The following POLD3 variants were observed in gnomAD, a reference collection of about 807,000 sequenced individuals.
POLD3 encodes DNA polymerase delta 3, accessory subunit.
A neutral mutation model predicts 58.2 loss-of-function variants in POLD3; 19 were observed. That is an observed-to-expected ratio of 0.33 (90% CI 0.23 to 0.48). The LOEUF (loss-of-function observed/expected upper bound fraction) is 0.48. Among genes scored for constraint, POLD3 ranks in the 20% least tolerant of loss-of-function variants. The pLI, the probability that POLD3 is intolerant of heterozygous loss-of-function variation, is 0.99. For synonymous variants in POLD3, 172 were observed against 193.5 expected (o/e 0.89, Z 0.92); for missense variants, 504 against 545.5 (o/e 0.92, Z 0.76).
chr11:74,652,309 G>A (rs2033076817), intron 4 of POLD3, among the ~76,000 whole-genome samples: 1 of 152,196 alleles, frequency 6.6e-6, no homozygotes, highest in African/African-American at 2.4e-5. Context: ...TTATTGTTAG[G>A]ATAGATTGTT....
chr11:74,631,544 A>G (rs1233521727), intron 9 of POLD3, among the ~76,000 whole-genome samples: 1 of 136,376 alleles, frequency 7.3e-6, no homozygotes, highest in Non-Finnish European at 1.5e-5. Context: ...CAGTGGTGCG[A>G]TGCGATCTCG....
chr11:74,658,888 A>C (rs1197016087), intron 4 of POLD3, among the ~76,000 whole-genome samples: 1 of 152,124 alleles, frequency 6.6e-6, no homozygotes, highest in African/African-American at 2.4e-5. Context: ...TGCACGGTGC[A>C]AGCTGCCAGT....
intron 2 of POLD3, among the ~76,000 whole-genome samples, chr11:74,598,147 A>G (rs551041908): frequency 1.1e-4 from 17 of 152,322 alleles, no homozygotes; most frequent in Admixed American, 1.1e-3. Context: ...CAGTAAGACT[A>G]TACTAAAGCT....
intron 3 of POLD3, among the ~76,000 whole-genome samples, chr11:74,605,205 C>T (rs756773611): frequency 1.2e-4 from 18 of 152,174 alleles, no homozygotes; most frequent in Non-Finnish European, 2.2e-4. Context: ...AGGCTTACGT[C>T]TAAGTGCCTG....
intron 5 of POLD3, among the ~76,000 whole-genome samples, chr11:74,616,098 C>T (rs539630238): frequency 2.6e-5 from 4 of 152,194 alleles, no homozygotes; most frequent in Middle Eastern, 3.4e-3. Context: ...CTCTAAAAAT[C>T]AGTTCCCTTG....
At chr11:74,657,073 A>G (rs536858427) in intron 4 of POLD3, among the ~76,000 whole-genome samples, 2 of 151,852 alleles carry the variant, frequency 1.3e-5, no homozygotes, top group Non-Finnish European at 2.9e-5. Flanking sequence ...CTTGCAGTCT[A>G]TTTTGTCTGG....
intron 4 of POLD3, 67 bp from the exon 5 acceptor site, chr11:74,612,811 C>G: frequency 7.1e-7 from 1 of 1,417,502 alleles, no homozygotes; most frequent in East Asian, 2.3e-5. Context: ...AGAAGGGTTT[C>G]TTGTTAAAGT....
At chr11:74,661,680 C>T (rs1315610607) in intron 4 of POLD3, among the ~76,000 whole-genome samples, 2 of 152,172 alleles carry the variant, frequency 1.3e-5, no homozygotes, top group African/African-American at 4.8e-5. Flanking sequence ...CCGTTAGCCT[C>T]TACCTAGCTT....
intron 2 of POLD3, among the ~76,000 whole-genome samples, chr11:74,598,083 G>A (rs529603476): frequency 4.9e-4 from 75 of 151,586 alleles, no homozygotes; most frequent in South Asian, 8.3e-4. Context: ...AGAAAGAGAG[G>A]AGAGAGAAAA....
intron 2 of POLD3, 146 bp from the exon 3 acceptor site, chr11:74,604,546 C>A: frequency 1.8e-5 from 10 of 546,144 alleles, no homozygotes; most frequent in Admixed American, 3.3e-5. Flanking sequence ...TTTTTTTCAA[C>A]TGTCCATAGG....
intron 7 of POLD3, among the ~76,000 whole-genome samples, chr11:74,621,909 G>A (rs151244862): frequency 2.6e-5 from 4 of 150,968 alleles, no homozygotes; most frequent in South Asian, 4.2e-4. Context: ...TAGGGTACAC[G>A]TGCACAATGT....
Position 74,641,337 on chromosome 11 carries a change from T to TATGC in POLD3, c.*573_*576dup. The TATGC allele has an allele frequency of 2.0e-6, 2 of 985,458 alleles. No homozygotes were observed. Among genetic ancestry groups the TATGC allele is most frequent in the Non-Finnish European group, 2.4e-6 (2 of 829,952 alleles). 61.0% of individuals were successfully genotyped at this position (985,458 alleles called of 1,614,324 possible). On this transcript the variant is annotated 3_prime_UTR_variant, in exon 12 of 12. Transcript: ENST00000263681. ...TCTCCCTGTAATCCTCTTCCTCCAT[T>TATGC]ATGCAGTACACGGACACCTGGCTAC...
At chr11:74,669,119 C>T (rs543191009), downstream of POLD3, 8 of 200,408 alleles carry the variant, frequency 4.0e-5, no homozygotes, top group South Asian at 1.5e-4. Flanking sequence ...TGCTGTGTGA[C>T]GTTGGGCAGC....
chr11:74,637,934 C>T (rs1409877193), intron 11 of POLD3, among the ~76,000 whole-genome samples: 1 of 151,968 alleles, frequency 6.6e-6, no homozygotes, highest in Non-Finnish European at 1.5e-5. Context: ...GCATAGGGGG[C>T]TTGCCCTGTC....
rs914384496 is a variant in POLD3, at chr11:74,640,834, C to T, written c.*68C>T. ...AGAAGACCAAGAAATGTACTCCTCA[C>T]TTACTATGTAAGTTCATCTAGATCT... On this transcript the variant is annotated 3_prime_UTR_variant, in exon 12 of 12. Coordinates refer to ENST00000263681, the MANE Select transcript of POLD3 (RefSeq NM_006591.3). 10 of 1,414,258 alleles carry T rather than the reference C, an allele frequency of 7.1e-6. No individual in the cohort carries two copies. The South Asian group carries it at 1.7e-4, about 24-fold the overall frequency. 87.6% of individuals were successfully genotyped at this position (1,414,258 alleles called of 1,614,324 possible).
intron 4 of POLD3, among the ~76,000 whole-genome samples, chr11:74,659,874 C>G (rs139756927): frequency 3.0e-3 from 460 of 152,326 alleles, no homozygotes; most frequent in Non-Finnish European, 5.5e-3. Flanking sequence ...CTGAGCCCTC[C>G]AAACTGTTCT....
intron 5 of POLD3, among the ~76,000 whole-genome samples, chr11:74,617,812 G>A (rs2032125610): frequency 6.6e-6 from 1 of 152,162 alleles, no homozygotes; most frequent in African/African-American, 2.4e-5. Flanking sequence ...TTGACCTCCT[G>A]GATTCAGGTG....
chr11:74,645,733 C>T (rs1023450187), downstream of POLD3, among the ~76,000 whole-genome samples: 1 of 152,190 alleles, frequency 6.6e-6, no homozygotes. Flanking sequence ...TTTTAATCCT[C>T]ATAGCAGCCC....
intron 2 of POLD3, among the ~76,000 whole-genome samples, chr11:74,597,683 A>G (rs555008825): frequency 6.6e-6 from 1 of 152,196 alleles, no homozygotes; most frequent in African/African-American, 2.4e-5. Flanking sequence ...CTGGTCTCGA[A>G]CTCCCAGGCT....
Sources: gnomAD v4.1 joint callset for allele counts (sites outside exome capture counted in the v4.1 genomes callset) on GRCh38, gnomAD v4.1.1 for gene constraint, MANE v1.5 for transcripts, NCBI Gene and HGNC (gene_info 2026-07-23, HGNC 2026-07-21) for gene names.